RAD54B: variants seen among roughly 807,000 people sequenced by gnomAD.
RAD54B encodes RAD54 homolog B, also known as DNA repair and recombination protein RAD54B.
A neutral mutation model predicts 95.8 loss-of-function variants in RAD54B; 78 were observed. The ratio of observed to expected loss-of-function variants is 0.81; its 90% CI spans 0.68 to 0.98. RAD54B has a LOEUF of 0.98. Among genes scored for constraint, RAD54B ranks in the 50% least tolerant of loss-of-function variants. The pLI, the probability that RAD54B is intolerant of heterozygous loss-of-function variation, is 0.00. For synonymous variants in RAD54B, 328 were observed against 354.9 expected, an observed-to-expected ratio of 0.92 and a Z score of 0.85; for missense variants, 957 against 1,056.6, an observed-to-expected ratio of 0.91 and a Z score of 1.31.
intron 14 of RAD54B, among the ~76,000 whole-genome samples, chr8:94,376,685 ATAT>A (rs1810580245): frequency 1.3e-5 from 2 of 149,164 alleles, no homozygotes; most frequent in Non-Finnish European, 3.0e-5. Flanking sequence ...TAAATATTAT[ATAT>A]TGTTATAATT....
At chr8:94,409,001 T>G in intron 4 of RAD54B, among the ~76,000 whole-genome samples, 1 of 146,464 alleles carries the variant, frequency 6.8e-6, no homozygotes, top group South Asian at 2.2e-4. Flanking sequence ...CACATACTGG[T>G]TTTTTTTTTT....
chr8:94,414,471 G>C (rs903145269), intron 3 of RAD54B, among the ~76,000 whole-genome samples: 1 of 152,126 alleles, frequency 6.6e-6, no homozygotes, highest in East Asian at 1.9e-4. Flanking sequence ...GTTTGTCATA[G>C]ATAGCTCTTA....
chr8:94,391,856 C>G lies in RAD54B; in HGVS notation c.1562G>C (p.Cys521Ser), dbSNP rs1563639433. The change falls in exon 10 of 15, where the codon TGC (cysteine) becomes TCC (serine). Residue 521 changes from cysteine (C) to serine (S), a missense_variant. Transcript: ENST00000336148. ...TCTAAGGATAAAGAGTCCAGTGAGG[C>G]AAGTAAGTTCAGCTGCTCTTCTTTC... The part of the protein sequence containing the change: ...LGERRAAELT[C>S]LTGLFILRRT... 1 of 1,612,864 alleles carries G rather than the reference C, an allele frequency of 6.2e-7. No homozygotes were observed. The highest frequency in any genetic ancestry group is 1.7e-5 in the Admixed American group (1 of 59,814).
At chr8:94,448,514 T>C (rs560875532) in intron 3 of RAD54B, among the ~76,000 whole-genome samples, 32 of 152,238 alleles carry the variant, frequency 2.1e-4, no homozygotes, top group African/African-American at 7.7e-4. Context: ...TGCACTCCCA[T>C]GTTCGCTGCA....
chr8:94,395,530 C>A (rs1811123284), intron 8 of RAD54B, among the ~76,000 whole-genome samples: 1 of 152,114 alleles, frequency 6.6e-6, no homozygotes, highest in South Asian at 2.1e-4. Flanking sequence ...AAAGATAATT[C>A]TCCAGAAAAG....
At chr8:94,381,774 G>A (rs1164036015) in intron 11 of RAD54B, among the ~76,000 whole-genome samples, 1 of 152,092 alleles carries the variant, frequency 6.6e-6, no homozygotes. Context: ...CAATTCATGA[G>A]GTTCAATATC....
At chr8:94,395,730 A>G (rs765848937) in intron 8 of RAD54B, among the ~76,000 whole-genome samples, 11 of 152,170 alleles carry the variant, frequency 7.2e-5, no homozygotes, top group Non-Finnish European at 1.6e-4. Context: ...CAGAGAAACA[A>G]GAAGAGCCAG....
At chr8:94,402,876 T>A (rs1250366096) in intron 6 of RAD54B, among the ~76,000 whole-genome samples, 1 of 152,206 alleles carries the variant, frequency 6.6e-6, no homozygotes, top group Non-Finnish European at 1.5e-5. Context: ...CTAGAGATGC[T>A]GCAGTGGAAT....
chr8:94,398,935 CAT>C (rs1256385970), intron 8 of RAD54B, among the ~76,000 whole-genome samples: 2 of 152,068 alleles, frequency 1.3e-5, no homozygotes, highest in South Asian at 2.1e-4. Flanking sequence ...ACACTTACCA[CAT>C]GTCAGGTAGT....
chr8:94,411,123 C>G lies in RAD54B; in HGVS notation c.497G>C (p.Arg166Thr). The G allele has an allele frequency of 1.2e-6, 2 of 1,601,546 alleles. No homozygotes were observed. The highest frequency in any genetic ancestry group is 1.7e-6 in the Non-Finnish European group (2 of 1,173,682). ...AACATTAGGTAGTATCATAATACCT[C>G]TTCCAATGTCTTTGCCTTCCAAATT... The part of the protein sequence containing the change: ...LKNLEGKDIG[R>T]GIGYKFKELE... The change falls in exon 4 of 15, where the codon AGA becomes ACA. Residue 166 changes from arginine to threonine, a missense_variant and splice_region_variant. Transcript: ENST00000336148.
chr8:94,430,875 C>T, intron 3 of RAD54B: 1 of 985,374 alleles, frequency 1.0e-6, no homozygotes, highest in Non-Finnish European at 1.2e-6. Flanking sequence ...TACTACAGCC[C>T]AAATTGACTC....
At chr8:94,429,489 C>T (rs1445099686) in intron 3 of RAD54B, 1 of 983,646 alleles carries the variant, frequency 1.0e-6, no homozygotes, top group Non-Finnish European at 1.2e-6. Flanking sequence ...TAAAAGCCAA[C>T]ATTTAAATTG....
chr8:94,426,414 T>C (rs571252285), intron 3 of RAD54B, among the ~76,000 whole-genome samples: 1 of 152,278 alleles, frequency 6.6e-6, no homozygotes, highest in South Asian at 2.1e-4. Context: ...AGAATATTCA[T>C]AGAATCTTTA....
At chr8:94,442,357 A>G (rs546333045) in intron 3 of RAD54B, among the ~76,000 whole-genome samples, 2 of 114,892 alleles carry the variant, frequency 1.7e-5, no homozygotes, top group Non-Finnish European at 3.6e-5. Context: ...GCGGATCACA[A>G]GGTCAGGAAT....
chr8:94,378,785 T>C, intron 12 of RAD54B, 151 bp from the exon 13 acceptor site: 2 of 597,154 alleles, frequency 3.3e-6, no homozygotes, highest in South Asian at 4.5e-5. Flanking sequence ...AAGCATGCCC[T>C]ACTTCATAGC....
chr8:94,390,890 G>A (rs942059809), intron 10 of RAD54B, among the ~76,000 whole-genome samples: 6 of 152,038 alleles, frequency 3.9e-5, no homozygotes, highest in African/African-American at 1.4e-4. Flanking sequence ...CACATAGCCT[G>A]AAGGTAATTT....
chr8:94,376,705 T>G (rs1048018505), intron 14 of RAD54B, among the ~76,000 whole-genome samples: 1 of 148,892 alleles, frequency 6.7e-6, no homozygotes, highest in Non-Finnish European at 1.5e-5. Flanking sequence ...AATTATATAT[T>G]GTGCATGATT....
chr8:94,431,324 A>G (rs1383863319), intron 3 of RAD54B: 1 of 978,228 alleles, frequency 1.0e-6, no homozygotes, highest in South Asian at 4.7e-5. Context: ...AATAGCTTCA[A>G]TGGAATACCT....
intron 14 of RAD54B, among the ~76,000 whole-genome samples, chr8:94,374,265 C>A (rs1438644555): frequency 2.0e-5 from 3 of 148,564 alleles, no homozygotes; most frequent in Non-Finnish European, 3.0e-5. Context: ...GGTGACAGAG[C>A]AAGACTCCGT....
Sources: allele counts gnomAD v4.1 joint callset (sites outside exome capture counted in the v4.1 genomes callset), GRCh38; gene constraint gnomAD v4.1.1; transcripts MANE v1.5; gene names NCBI Gene and HGNC (gene_info 2026-07-23, HGNC 2026-07-21).